SLIT3: variants seen among roughly 807,000 people sequenced by gnomAD.
SLIT3 encodes slit homolog 3 protein.
Under a neutral mutation model 184.0 loss-of-function variants are expected in SLIT3, and 68 were observed. The ratio of observed to expected loss-of-function variants is 0.37; its 90% CI spans 0.30 to 0.45. The LOEUF (loss-of-function observed/expected upper bound fraction) is 0.45, where lower values mean the gene tolerates loss of function less well. Ranked by LOEUF, SLIT3 falls within the 20% of genes least tolerant of loss-of-function variation. The pLI is 1.00. For missense variants in SLIT3, 1,707 were observed against 2,026.0 expected, an observed-to-expected ratio of 0.84 and a Z score of 3.02; for synonymous variants, 831 against 828.6, an observed-to-expected ratio of 1.00 and a Z score of -0.05.
At chr5:169,060,131 T>C (rs1320674172) in intron 4 of SLIT3, among the ~76,000 whole-genome samples, 1 of 152,224 alleles carries the variant, frequency 6.6e-6, no homozygotes, top group Non-Finnish European at 1.5e-5. Context: ...GGCTCATGGC[T>C]GTAATCCCAG....
chr5:169,290,574 C>A (rs1176020715), intron 1 of SLIT3, among the ~76,000 whole-genome samples: 1 of 145,832 alleles, frequency 6.9e-6, no homozygotes, highest in African/African-American at 2.6e-5. Flanking sequence ...CACTAGGGTG[C>A]GCACTAGGGC....
intron 27 of SLIT3, among the ~76,000 whole-genome samples, chr5:168,698,564 C>G (rs372568106): frequency 6.6e-6 from 1 of 152,174 alleles, no homozygotes; most frequent in African/African-American, 2.4e-5. Context: ...TGATTTGGAA[C>G]TTCTATCCTT....
At chr5:168,896,646 C>T (rs1304659442) in intron 4 of SLIT3, among the ~76,000 whole-genome samples, 2 of 152,188 alleles carry the variant, frequency 1.3e-5, no homozygotes. Context: ...CCAAAGATGG[C>T]AAAGATGGGA....
chr5:169,084,930 AC>A (rs1020509396), intron 4 of SLIT3, among the ~76,000 whole-genome samples: 1 of 152,108 alleles, frequency 6.6e-6, no homozygotes, highest in Non-Finnish European at 1.5e-5. Context: ...TCACCACCTG[AC>A]CAACCTCACC....
intron 4 of SLIT3, among the ~76,000 whole-genome samples, chr5:168,973,404 C>T (rs1754648866): frequency 6.6e-6 from 1 of 152,162 alleles, no homozygotes; most frequent in Non-Finnish European, 1.5e-5. Context: ...CTCACTGCCA[C>T]ACCCAGCTCA....
chr5:168,870,183 T>C (rs1369317913), intron 5 of SLIT3, among the ~76,000 whole-genome samples: 1 of 152,262 alleles, frequency 6.6e-6, no homozygotes, highest in Non-Finnish European at 1.5e-5. Flanking sequence ...TTTATTCATC[T>C]AGCAAATATT....
At chr5:169,065,323 A>G (rs1046118917) in intron 4 of SLIT3, among the ~76,000 whole-genome samples, 1 of 152,236 alleles carries the variant, frequency 6.6e-6, no homozygotes, top group Non-Finnish European at 1.5e-5. Flanking sequence ...CTAGAATAAA[A>G]AAAAGAATGA....
At chr5:169,135,598 T>C (rs937056474) in intron 4 of SLIT3, among the ~76,000 whole-genome samples, 1 of 152,190 alleles carries the variant, frequency 6.6e-6, no homozygotes, top group African/African-American at 2.4e-5. Context: ...CAAGTATTGT[T>C]TCATGACACT....
chr5:168,884,419 T>TCA (rs1161063710), intron 4 of SLIT3, among the ~76,000 whole-genome samples: 3 of 62,152 alleles, frequency 4.8e-5, no homozygotes, highest in Non-Finnish European at 7.6e-5. Context: ...TGTCTCTCTC[T>TCA]CTCTCTCTCA....
At chr5:168,823,781 T>G (rs1757612932) in intron 6 of SLIT3, among the ~76,000 whole-genome samples, 1 of 152,116 alleles carries the variant, frequency 6.6e-6, no homozygotes, top group Non-Finnish European at 1.5e-5. Context: ...GGAGGCAAAA[T>G]AAGTTTTCCA....
At chr5:169,152,181 A>G (rs1209701210) in intron 4 of SLIT3, among the ~76,000 whole-genome samples, 1 of 152,224 alleles carries the variant, frequency 6.6e-6, no homozygotes, top group Non-Finnish European at 1.5e-5. Flanking sequence ...CTTGGCTCAA[A>G]TGCTTGCTCT....
At chr5:168,794,172 C>T (rs1019232163) in intron 10 of SLIT3, among the ~76,000 whole-genome samples, 1 of 152,132 alleles carries the variant, frequency 6.6e-6, no homozygotes, top group Non-Finnish European at 1.5e-5. Context: ...GAATCAGCCT[C>T]GTGTGGAAGG....
At chr5:168,818,346 G>T (rs925447092) in intron 7 of SLIT3, among the ~76,000 whole-genome samples, 1 of 152,184 alleles carries the variant, frequency 6.6e-6, no homozygotes, top group Non-Finnish European at 1.5e-5. Context: ...TCACTTCTGA[G>T]GGGAATCCCA....
At chr5:169,198,804 C>T (rs997997443) in intron 3 of SLIT3, among the ~76,000 whole-genome samples, 1 of 151,928 alleles carries the variant, frequency 6.6e-6, no homozygotes, top group African/African-American at 2.4e-5. Flanking sequence ...TGGGGATGCA[C>T]ATCTGTAATC....
At chr5:169,224,458 C>G (rs1242646308) in intron 3 of SLIT3, among the ~76,000 whole-genome samples, 2 of 151,786 alleles carry the variant, frequency 1.3e-5, no homozygotes, top group African/African-American at 4.8e-5. Context: ...GCCTCGACCT[C>G]CTGGAGTCAA....
intron 4 of SLIT3, among the ~76,000 whole-genome samples, chr5:168,941,130 C>T (rs1199796607): frequency 2.6e-5 from 4 of 152,160 alleles, no homozygotes; most frequent in African/African-American, 9.7e-5. Flanking sequence ...CTTAAATCAC[C>T]ACCAATTTGT....
intron 4 of SLIT3, among the ~76,000 whole-genome samples, chr5:169,127,928 G>A (rs1161538248): frequency 6.6e-6 from 1 of 152,032 alleles, no homozygotes; most frequent in African/African-American, 2.4e-5. Flanking sequence ...ATCCCACTTT[G>A]GGAATCTAAC....
At chr5:168,681,229 G>C (rs1331799259) in intron 32 of SLIT3, among the ~76,000 whole-genome samples, 1 of 152,204 alleles carries the variant, frequency 6.6e-6, no homozygotes, top group Non-Finnish European at 1.5e-5. Context: ...CAGTGAGAAT[G>C]ATTTGATTTT....
intron 3 of SLIT3, among the ~76,000 whole-genome samples, chr5:169,206,990 G>A (rs1764090418): frequency 1.3e-5 from 2 of 151,414 alleles, no homozygotes; most frequent in Non-Finnish European, 2.9e-5. Flanking sequence ...AAGGGGGAAA[G>A]GGGCACTTTT....
Sources: allele counts gnomAD v4.1 joint callset (sites outside exome capture counted in the v4.1 genomes callset), GRCh38; gene constraint gnomAD v4.1.1; transcripts MANE v1.5; gene names NCBI Gene and HGNC (gene_info 2026-07-23, HGNC 2026-07-21).